ANP32A: variants seen among roughly 807,000 people sequenced by gnomAD.
ANP32A encodes acidic nuclear phosphoprotein 32 family member A, also known as acidic leucine-rich nuclear phosphoprotein 32 family member A.
ANP32A carries 1 observed loss-of-function variant against 33.9 expected under a neutral mutation model. The observed-to-expected ratio is 0.03, with a 90% CI of 0.01 to 0.14. ANP32A has a LOEUF of 0.14. Ranked by LOEUF, ANP32A falls within the 10% of genes least tolerant of loss-of-function variation. The pLI, the probability that ANP32A is intolerant of heterozygous loss-of-function variation, is 1.00. For synonymous variants in ANP32A, 115 were observed against 120.5 expected (o/e 0.95, Z 0.30); for missense variants, 155 against 306.0 (o/e 0.51, Z 3.68).
At chr15:68,793,330 C>T (rs980827278) in intron 1 of ANP32A, among the ~76,000 whole-genome samples, 1 of 152,094 alleles carries the variant, frequency 6.6e-6, no homozygotes. Flanking sequence ...TTATAAACAC[C>T]AGTGGTTTTT....
At chr15:68,812,203 C>T (rs980447838) in intron 1 of ANP32A, among the ~76,000 whole-genome samples, 3 of 152,182 alleles carry the variant, frequency 2.0e-5, no homozygotes, top group Admixed American at 6.5e-5. Context: ...CTGAGAGGGG[C>T]GTGCCCAAGT....
intron 1 of ANP32A, among the ~76,000 whole-genome samples, chr15:68,815,445 T>C (rs547820269): frequency 1.3e-5 from 2 of 152,116 alleles, no homozygotes; most frequent in Non-Finnish European, 2.9e-5. Context: ...ACGAGACAAG[T>C]GGATTTCTTA....
In ANP32A at chr15:68,779,394, T is replaced by G. The variant is rs977497174; in HGVS notation, c.*687A>C. On this transcript the variant is annotated 3_prime_UTR_variant, in exon 7 of 7. Coordinates refer to ENST00000465139, the MANE Select transcript of ANP32A (RefSeq NM_006305.4). ...TCTAATTTTAATTACCAAATCCATT[T>G]TCCTTGTAACTTAACACAACAAGCC... The G allele has an allele frequency of 6.6e-5, 10 of 152,224 alleles. No individual in the cohort carries two copies. Among genetic ancestry groups the G allele is most frequent in the Non-Finnish European group, 1.0e-4 (7 of 68,034 alleles). The allele number at this position is 152,224 out of a possible 1,614,324, so 9.4% of individuals were successfully genotyped here. A position where few individuals can be genotyped will look rare whatever the true frequency, so the allele number is the denominator to read the frequency against.
At chr15:68,787,582 A>C (rs1298408110) in intron 2 of ANP32A, 47 bp from the exon 3 acceptor site, 3 of 1,613,476 alleles carry the variant, frequency 1.9e-6, no homozygotes, top group African/African-American at 2.7e-5. Flanking sequence ...TTTAAAATGA[A>C]GGCTACCGGC....
intron 1 of ANP32A, among the ~76,000 whole-genome samples, chr15:68,799,429 G>C (rs1000605813): frequency 6.6e-6 from 1 of 152,172 alleles, no homozygotes. Context: ...AAAGAGTGCA[G>C]GTTGAGTTCA....
At chr15:68,795,470 C>G (rs989854670) in intron 1 of ANP32A, among the ~76,000 whole-genome samples, 1 of 152,340 alleles carries the variant, frequency 6.6e-6, no homozygotes, top group African/African-American at 2.4e-5. Flanking sequence ...GCCAGGGCCC[C>G]GGCTCATAGG....
At chr15:68,792,143 C>T (rs935291258) in intron 1 of ANP32A, 1 of 151,544 alleles carries the variant, frequency 6.6e-6, no homozygotes, top group East Asian at 1.9e-4. Flanking sequence ...AAAAAAAAAA[C>T]CAAGGCCCAC....
Position 68,780,703 on chromosome 15 carries a change from T to C in ANP32A, c.625-230A>G. 3.3e-6 allele frequency: 2 copies of C among 602,908 alleles called. No homozygotes were observed. The highest frequency in any genetic ancestry group is 5.2e-5 in the South Asian group (2 of 38,640). 37.3% of individuals were successfully genotyped at this position (602,908 alleles called of 1,614,324 possible). The stretch of plus-strand genomic sequence containing the variant: ...GAACTCCTTCTCCAGAAAATGTCCG[T>C]ATCATTTATAATATTTGCAAGCAGT... On this transcript the variant is annotated intron_variant, in intron 5 of 6. Coordinates refer to ENST00000465139, the MANE Select transcript of ANP32A (RefSeq NM_006305.4). This position sits in a 1 kb window ranked among gnomAD's most constrained non-coding sequence, Gnocchi z 4.3.
intron 1 of ANP32A, among the ~76,000 whole-genome samples, chr15:68,816,234 AG>A: frequency 6.6e-6 from 1 of 152,226 alleles, no homozygotes; most frequent in South Asian, 2.1e-4. Context: ...GAGAAGAAAA[AG>A]CTCTTCCTTA....
rs560180350 is a variant in ANP32A at position 68,780,010 on chromosome 15, G to C, written c.*71C>G. 152 of 1,408,284 alleles carry C rather than the reference G, an allele frequency of 1.1e-4. No individual in the cohort carries two copies. Among genetic ancestry groups the C allele is most frequent in the Middle Eastern group, 6.2e-4 (3 of 4,812 alleles). The allele number at this position is 1,408,284 out of a possible 1,614,324, so 87.2% of individuals were successfully genotyped here. On this transcript the variant is annotated 3_prime_UTR_variant, in exon 7 of 7. Transcript: ENST00000465139. The surrounding 1 kb of genome is among the most constrained non-coding windows in gnomAD (Gnocchi z 4.3). ...AAGTTTCAGGGGGCAGGATTGGAGG[G>C]GGGGGGGAGAGGGGATATGGGTAAA...
rs1421609385 is a variant in ANP32A at position 68,787,979 on chromosome 15, G to T, written c.55-60C>A. 10 of 1,604,772 alleles carry T rather than the reference G, an allele frequency of 6.2e-6. No homozygotes were observed. In the South Asian group the frequency reaches 9.9e-5, roughly 16 times the overall value. On this transcript the variant is annotated intron_variant, in intron 1 of 6. Coordinates refer to ENST00000465139, the MANE Select transcript of ANP32A (RefSeq NM_006305.4). ...GGAATGGGGCTGAAGCAGGGGGAGGGTGTTAGAGGACTCCTCAGAGAACAG... is the reference window on the plus strand; with the variant it reads ...GGAATGGGGCTGAAGCAGGGGGAGGTTGTTAGAGGACTCCTCAGAGAACAG...
rs2140357997 is a variant in ANP32A, at chr15:68,780,419, C to G, written c.679G>C (p.Glu227Gln). 6.2e-7 allele frequency: 1 copy of G among 1,614,050 alleles called. No homozygotes were observed. The highest frequency in any genetic ancestry group is 2.2e-5 in the East Asian group (1 of 44,866). The change falls in exon 6 of 7, where the codon GAG becomes CAG. Residue 227 changes from glutamate to glutamine, a missense_variant. Glu to Gln is a conservative substitution (Grantham distance 29). Coordinates refer to ENST00000465139, the MANE Select transcript of ANP32A (RefSeq NM_006305.4). This position sits in a 1 kb window ranked among gnomAD's most constrained non-coding sequence, Gnocchi z 4.3. Reference sequence around the variant, plus strand: ...AAAAAGGCTGCCATACCACCAAGCTCTTCTTCATCTTCCTCGTCATCTACC... The same window carrying G: ...AAAAAGGCTGCCATACCACCAAGCTGTTCTTCATCTTCCTCGTCATCTACC... ...GEVDDEEDEEELGEEERGQKR... is the reference protein window; with the variant it reads ...GEVDDEEDEEQLGEEERGQKR...
intron 1 of ANP32A, among the ~76,000 whole-genome samples, chr15:68,807,396 G>A (rs2140371147): frequency 6.9e-6 from 1 of 144,652 alleles, no homozygotes; most frequent in South Asian, 2.5e-4. Flanking sequence ...CAGCTTGGCT[G>A]GTATTCCTCC....
chr15:68,807,409 C>T (rs1008650983), intron 1 of ANP32A, among the ~76,000 whole-genome samples: 1 of 141,190 alleles, frequency 7.1e-6, no homozygotes, highest in Non-Finnish European at 1.5e-5. Flanking sequence ...ATTCCTCCCG[C>T]CCCACCTCCA....
rs1213140670 is a variant in ANP32A at position 68,780,607 on chromosome 15, G to A, written c.625-134C>T. ...CCCCCACCAAGACTTGACATCTCGGGAGGAATGTAAAGCAGAGGTTCTTAA... is the reference window on the plus strand; with the variant it reads ...CCCCCACCAAGACTTGACATCTCGGAAGGAATGTAAAGCAGAGGTTCTTAA... On this transcript the variant is annotated intron_variant, in intron 5 of 6. Coordinates refer to ENST00000465139, the MANE Select transcript of ANP32A (RefSeq NM_006305.4). The surrounding 1 kb of genome is among the most constrained non-coding windows in gnomAD (Gnocchi z 4.3). The A allele has an allele frequency of 2.8e-6, 4 of 1,431,540 alleles. No homozygotes were observed. The highest frequency in any genetic ancestry group is 2.9e-5 in the African/African-American group (2 of 69,622). The allele number at this position is 1,431,540 out of a possible 1,614,324, so 88.7% of individuals were successfully genotyped here.
rs1436935079 is a variant in ANP32A at position 68,778,936 on chromosome 15, A to G, written c.*1145T>C. ...ATAAAAAGATTTATTGAAATTTATC[A>G]ATGACAAACAGACATAAAACTCAAA... On this transcript the variant is annotated 3_prime_UTR_variant, in exon 7 of 7. Coordinates refer to ENST00000465139, the MANE Select transcript of ANP32A (RefSeq NM_006305.4). 1 of 152,164 alleles carries G rather than the reference A, an allele frequency of 6.6e-6. No individual in the cohort carries two copies. Among genetic ancestry groups the G allele is most frequent in the African/African-American group, 2.4e-5 (1 of 41,402 alleles). 9.4% of individuals were successfully genotyped at this position (152,164 alleles called of 1,614,324 possible). A position where few individuals can be genotyped will look rare whatever the true frequency, so the allele number is the denominator to read the frequency against.
At chr15:68,783,184 A>C in intron 4 of ANP32A, 131 bp from the exon 5 acceptor site, 1 of 1,379,184 alleles carries the variant, frequency 7.3e-7, no homozygotes, top group Non-Finnish European at 9.7e-7. Flanking sequence ...AAGTCCAAAG[A>C]TGGAACACAC....
chr15:68,820,198 G>A (rs900032358), intron 1 of ANP32A, among the ~76,000 whole-genome samples: 2 of 152,102 alleles, frequency 1.3e-5, no homozygotes, highest in African/African-American at 4.8e-5. Flanking sequence ...GCGAGCGAGC[G>A]AGAGAAAGGG....
rs963820473 is a variant in ANP32A at position 68,802,942 on chromosome 15, T to C, written c.55-15023A>G. 6.6e-5 allele frequency among the ~76,000 whole-genome samples: 10 copies of C among 152,232 alleles called. No homozygotes were observed. In the East Asian group the frequency reaches 1.5e-3, roughly 24 times the overall value. The stretch of plus-strand genomic sequence containing the variant: ...GTGCTGGGATTACAGACGTGAGCCA[T>C]TGTGCCCAGCCCAGAGTCCTACTAT... On this transcript the variant is annotated intron_variant, in intron 1 of 6. Coordinates refer to ENST00000465139, the MANE Select transcript of ANP32A (RefSeq NM_006305.4).
Sources: allele counts gnomAD v4.1 joint callset (sites outside exome capture counted in the v4.1 genomes callset), GRCh38; gene constraint gnomAD v4.1.1; non-coding constraint Gnocchi (gnomAD v3.1); transcripts MANE v1.5; gene names NCBI Gene and HGNC (gene_info 2026-07-23, HGNC 2026-07-21).